PRKCQ: variants seen among roughly 807,000 people sequenced by gnomAD.
The protein encoded by PRKCQ is protein kinase C theta, also known as protein kinase C theta type.
PRKCQ carries 41 observed loss-of-function variants against 91.2 expected under a neutral mutation model. The ratio of observed to expected loss-of-function variants is 0.45; its 90% CI spans 0.35 to 0.58. PRKCQ has a LOEUF of 0.58. Among genes scored for constraint, PRKCQ ranks in the 20% least tolerant of loss-of-function variants. PRKCQ has a pLI of 0.00. For missense variants in PRKCQ, 673 were observed against 896.5 expected (o/e 0.75, Z 3.18); for synonymous variants, 307 against 316.9 (o/e 0.97, Z 0.33).
chr10:6,521,528 C>T (rs1447167523), intron 1 of PRKCQ, among the ~76,000 whole-genome samples: 1 of 152,212 alleles, frequency 6.6e-6, no homozygotes, highest in Non-Finnish European at 1.5e-5. Flanking sequence ...TGGGCAAATA[C>T]ACACAAGGTG....
At chr10:6,436,113 TAAAAA>T (rs981727359) in intron 16 of PRKCQ, among the ~76,000 whole-genome samples, 6 of 152,086 alleles carry the variant, frequency 3.9e-5, no homozygotes, top group Non-Finnish European at 7.4e-5. Context: ...CACTCTGTCT[TAAAAA>T]AGAAAAGAAC....
chr10:6,511,225 C>G (rs1209318976), intron 2 of PRKCQ, 31 bp from the exon 3 acceptor site: 2 of 1,599,516 alleles, frequency 1.3e-6, no homozygotes, highest in Non-Finnish European at 1.7e-6. Context: ...TCTCATTATT[C>G]CTTCAGCCAG....
intron 1 of PRKCQ, among the ~76,000 whole-genome samples, chr10:6,521,390 T>C (rs1206593989): frequency 1.3e-5 from 2 of 152,172 alleles, no homozygotes; most frequent in Non-Finnish European, 2.9e-5. Context: ...CCAGCACTTG[T>C]TGTAAACAAA....
the PRKCQ span, among the ~76,000 whole-genome samples, chr10:6,400,718 GAAAA>G: frequency 7.3e-6 from 1 of 136,428 alleles, no homozygotes; most frequent in Admixed American, 7.4e-5. Context: ...TTAAGAAACT[GAAAA>G]AAAAAAAAAA....
At chr10:6,536,976 C>A (rs1399478349) in intron 1 of PRKCQ, among the ~76,000 whole-genome samples, 1 of 152,132 alleles carries the variant, frequency 6.6e-6, no homozygotes, top group African/African-American at 2.4e-5. Context: ...CCAGTTCTCG[C>A]TCTCCCAAGC....
At chr10:6,492,484 C>T (rs933992969) in intron 7 of PRKCQ, among the ~76,000 whole-genome samples, 2 of 152,106 alleles carry the variant, frequency 1.3e-5, no homozygotes, top group African/African-American at 4.8e-5. Context: ...CCTCCTTTGA[C>T]AGACGAGGAA....
intron 1 of PRKCQ, among the ~76,000 whole-genome samples, chr10:6,548,442 A>G (rs1233634922): frequency 1.6e-4 from 24 of 151,182 alleles, no homozygotes; most frequent in Non-Finnish European, 4.4e-5. Context: ...ACATATGTTT[A>G]TTGTGGCACT....
intron 1 of PRKCQ, among the ~76,000 whole-genome samples, chr10:6,548,028 A>G (rs1301811427): frequency 1.3e-5 from 2 of 152,016 alleles, no homozygotes; most frequent in Non-Finnish European, 2.9e-5. Flanking sequence ...ACTCAAACAA[A>G]TTTACAAGAA....
chr10:6,573,061 G>T (rs1841100340), intron 1 of PRKCQ, among the ~76,000 whole-genome samples: 1 of 152,054 alleles, frequency 6.6e-6, no homozygotes, highest in African/African-American at 2.4e-5. Context: ...GATTTAATGT[G>T]TCCCAAACCA....
chr10:6,467,541 G>A (rs577060910), intron 12 of PRKCQ, among the ~76,000 whole-genome samples: 1 of 152,068 alleles, frequency 6.6e-6, no homozygotes, highest in African/African-American at 2.4e-5. Flanking sequence ...ATTAACCGAG[G>A]CAAATGATTC....
At chr10:6,491,643 G>C (rs750107600) in intron 8 of PRKCQ, 40 bp downstream of exon 8, 2 of 1,610,744 alleles carry the variant, frequency 1.2e-6, no homozygotes, top group Non-Finnish European at 1.7e-6. Context: ...ATCCCCTAGG[G>C]GGTCCACGTC....
intron 1 of PRKCQ, among the ~76,000 whole-genome samples, chr10:6,559,167 C>T (rs1840530316): frequency 6.6e-6 from 1 of 152,184 alleles, no homozygotes; most frequent in African/African-American, 2.4e-5. Context: ...CAGTCAGATA[C>T]CTTATACTAC....
At chr10:6,463,766 G>T (rs1056251330) in intron 13 of PRKCQ, among the ~76,000 whole-genome samples, 1 of 152,176 alleles carries the variant, frequency 6.6e-6, no homozygotes, top group Non-Finnish European at 1.5e-5. Flanking sequence ...GACCCAAAGG[G>T]AACAGCATGG....
intron 16 of PRKCQ, among the ~76,000 whole-genome samples, chr10:6,433,894 G>A (rs1833544595): frequency 6.6e-6 from 1 of 151,900 alleles, no homozygotes; most frequent in South Asian, 2.1e-4. Context: ...AGCCGGGTGT[G>A]GTGGTGGACG....
At chr10:6,570,666 T>C (rs879590942) in intron 1 of PRKCQ, among the ~76,000 whole-genome samples, 3 of 151,744 alleles carry the variant, frequency 2.0e-5, no homozygotes, top group Non-Finnish European at 4.4e-5. Context: ...GCGATTCTCC[T>C]GCCTCAGCCT....
chr10:6,578,668 G>T (rs1045222274), intron 1 of PRKCQ, among the ~76,000 whole-genome samples: 10 of 152,212 alleles, frequency 6.6e-5, no homozygotes, highest in African/African-American at 2.4e-4. Context: ...AGAGCCTTCT[G>T]CGGTAAGCAC....
intron 1 of PRKCQ, among the ~76,000 whole-genome samples, chr10:6,562,248 A>G (rs768295789): frequency 2.0e-5 from 3 of 152,156 alleles, no homozygotes; most frequent in Admixed American, 6.5e-5. Flanking sequence ...CTGGACCCCA[A>G]AGAAAACCAC....
chr10:6,500,844 T>C (rs978557292), intron 4 of PRKCQ, among the ~76,000 whole-genome samples: 1 of 152,178 alleles, frequency 6.6e-6, no homozygotes, highest in Non-Finnish European at 1.5e-5. Flanking sequence ...AAACACATTA[T>C]TCCTCACCCT....
intron 1 of PRKCQ, among the ~76,000 whole-genome samples, chr10:6,531,782 T>A (rs925331573): frequency 1.1e-4 from 16 of 152,198 alleles, no homozygotes; most frequent in Non-Finnish European, 2.1e-4. Flanking sequence ...AGACAGGAAA[T>A]AAATCAGTTA....
Sources: allele counts gnomAD v4.1 joint callset (sites outside exome capture counted in the v4.1 genomes callset), GRCh38; gene constraint gnomAD v4.1.1; transcripts MANE v1.5; gene names NCBI Gene and HGNC (gene_info 2026-07-23, HGNC 2026-07-21).